The following ARHGAP32 variants were observed in gnomAD, a reference collection of about 807,000 sequenced individuals.
ARHGAP32 encodes the protein Rho GTPase activating protein 32, also known as rho GTPase-activating protein 32.
A neutral mutation model predicts 186.5 loss-of-function variants in ARHGAP32; 51 were observed. The observed-to-expected ratio is 0.27, with a 90% CI of 0.22 to 0.35. The LOEUF (loss-of-function observed/expected upper bound fraction) is 0.35, where lower values mean the gene tolerates loss of function less well. ARHGAP32 is among the 10% of genes least tolerant of loss of function. The pLI is 1.00. For missense variants in ARHGAP32, 2,186 were observed against 2,623.5 expected (o/e 0.83, Z 3.64); for synonymous variants, 950 against 964.3 (o/e 0.99, Z 0.27).
At chr11:129,220,122 T>C (rs949407984) in intron 1 of ARHGAP32, among the ~76,000 whole-genome samples, 1 of 152,208 alleles carries the variant, frequency 6.6e-6, no homozygotes, top group South Asian at 2.1e-4. Context: ...ACAATGAATA[T>C]GTTTTCCCTA....
intron 6 of ARHGAP32, among the ~76,000 whole-genome samples, chr11:129,087,692 A>G (rs1000526257): frequency 6.6e-6 from 1 of 152,220 alleles, no homozygotes; most frequent in Non-Finnish European, 1.5e-5. Flanking sequence ...CTAAACCTAT[A>G]GAATATACAC....
chr11:129,026,061 G>A (rs908883234), intron 11 of ARHGAP32, among the ~76,000 whole-genome samples: 15 of 151,894 alleles, frequency 9.9e-5, no homozygotes, highest in Non-Finnish European at 2.9e-5. Flanking sequence ...CCAAAAAGCT[G>A]TACCCTAATG....
intron 1 of ARHGAP32, among the ~76,000 whole-genome samples, chr11:129,247,001 A>AC (rs34546603): frequency 0.87 from 132,795 of 152,120 alleles, 58,235 homozygotes; most frequent in African/African-American, 0.95. Flanking sequence ...CCCACAGAGT[A>AC]CCTCTTTTTT....
chr11:129,276,359 G>A (rs1945531158), intron 1 of ARHGAP32, among the ~76,000 whole-genome samples: 1 of 152,212 alleles, frequency 6.6e-6, no homozygotes, highest in African/African-American at 2.4e-5. Context: ...CAAGGGCAGT[G>A]GCACAATGAT....
chr11:129,125,758 A>G (rs1268644154), intron 2 of ARHGAP32: 2 of 261,446 alleles, frequency 7.6e-6, no homozygotes, highest in African/African-American at 4.5e-5. Flanking sequence ...ACCTTGTTAC[A>G]TCATCACAGT....
intron 11 of ARHGAP32, among the ~76,000 whole-genome samples, chr11:129,001,714 A>T (rs966559096): frequency 2.0e-5 from 3 of 150,378 alleles, no homozygotes; most frequent in East Asian, 1.9e-4. Flanking sequence ...GATTTTTCCC[A>T]TTTTTTTTTA....
intron 2 of ARHGAP32, among the ~76,000 whole-genome samples, chr11:129,149,873 C>A (rs1943250549): frequency 6.6e-6 from 1 of 150,946 alleles, no homozygotes. Flanking sequence ...ATGTGAAAAC[C>A]AATGTAAAGA....
chr11:129,082,533 A>G (rs1565413094), intron 6 of ARHGAP32, among the ~76,000 whole-genome samples: 1 of 152,188 alleles, frequency 6.6e-6, no homozygotes, highest in East Asian at 1.9e-4. Context: ...TGGTGGGATA[A>G]TTGGCAAGTC....
chr11:129,206,492 C>G (rs192821007), intron 1 of ARHGAP32, among the ~76,000 whole-genome samples: 3 of 152,084 alleles, frequency 2.0e-5, no homozygotes, highest in African/African-American at 2.4e-5. Flanking sequence ...GGATTACAGA[C>G]GAGGGCTGCC....
At position 129,040,929 on chromosome 11, in the gene ARHGAP32, T is replaced by C. The variant is rs1192189935; in HGVS notation, c.1044A>G (p.Pro348=). ...CACTAGTGAAAAAAGTGTACTCACCTGGTTTTGGCACTGAGTTGGTCACTG... is the reference window on the plus strand; with the variant it reads ...CACTAGTGAAAAAAGTGTACTCACCCGGTTTTGGCACTGAGTTGGTCACTG... The part of the protein sequence containing the change: ...PQSVTNSVPK[P]VSKKHGKLIT... Residue 348 remains proline (P), a splice_region_variant and synonymous_variant, in exon 11 of 23, where the codon CCA becomes CCG. Transcript: ENST00000682385. 1.2e-6 allele frequency: 2 copies of C among 1,601,818 alleles called. No homozygotes were observed. Among genetic ancestry groups the C allele is most frequent in the Non-Finnish European group, 1.7e-6 (2 of 1,173,536 alleles).
Position 129,002,805 on chromosome 11 carries a change from ATTTT to A in ARHGAP32, c.1046-4341_1046-4338del, listed in dbSNP as rs36036048. On this transcript the variant is annotated intron_variant, in intron 11 of 22. Transcript: ENST00000682385. The stretch of plus-strand genomic sequence containing the variant: ...GGGGTTTTATCATGAAGGGATGTTG[ATTTT>A]TTTTTTTTTTTTTTTTTGAGACGGA... 6.5e-5 allele frequency among the ~76,000 whole-genome samples: 7 copies of A among 108,076 alleles called. No homozygotes were observed. In the South Asian group the frequency reaches 1.2e-3, roughly 19 times the overall value. The allele number at this position is 108,076 out of a possible 152,430, so 70.9% of individuals were successfully genotyped here. A position where few individuals can be genotyped will look rare whatever the true frequency, so the allele number is the denominator to read the frequency against.
intron 11 of ARHGAP32, among the ~76,000 whole-genome samples, chr11:129,012,750 G>A (rs889286086): frequency 3.3e-5 from 5 of 152,158 alleles, no homozygotes; most frequent in Non-Finnish European, 7.4e-5. Context: ...ACAAATGAAG[G>A]GAGAACATTT....
intron 2 of ARHGAP32, among the ~76,000 whole-genome samples, chr11:129,156,593 GA>G (rs1349032243): frequency 6.6e-6 from 1 of 152,194 alleles, no homozygotes; most frequent in Non-Finnish European, 1.5e-5. Flanking sequence ...GCTTGTAGAT[GA>G]AACTCCCATC....
Position 128,986,678 on chromosome 11 carries a change from A to G in ARHGAP32, c.1299-10T>C. ...AGAGTCAAATTCATGGCTGACGTAG[A>G]CAGAAGAGGACAAGCAAATCATTTG... On this transcript the variant is annotated splice_polypyrimidine_tract_variant and intron_variant, in intron 13 of 22. Coordinates refer to ENST00000682385, the MANE Select transcript of ARHGAP32 (RefSeq NM_001378024.1). 6.2e-7 allele frequency: 1 copy of G among 1,612,788 alleles called. No individual in the cohort carries two copies. Among genetic ancestry groups the G allele is most frequent in the East Asian group, 2.2e-5 (1 of 44,848 alleles).
At chr11:129,050,116 A>C (rs1471654839) in intron 10 of ARHGAP32, among the ~76,000 whole-genome samples, 3 of 152,230 alleles carry the variant, frequency 2.0e-5, no homozygotes, top group African/African-American at 7.2e-5. Flanking sequence ...AACTTGAGAA[A>C]CTGCTAAACT....
At chr11:129,055,138 C>A (rs1468594122) in intron 10 of ARHGAP32, among the ~76,000 whole-genome samples, 1 of 152,126 alleles carries the variant, frequency 6.6e-6, no homozygotes, top group African/African-American at 2.4e-5. Flanking sequence ...GAGTCAGTGG[C>A]AAAGGGAGAA....
intron 1 of ARHGAP32, among the ~76,000 whole-genome samples, chr11:129,273,810 G>A (rs1945499831): frequency 1.3e-5 from 2 of 151,976 alleles, no homozygotes; most frequent in Admixed American, 1.3e-4. Flanking sequence ...CTATTTTTAG[G>A]GCAAACTGAT....
intron 11 of ARHGAP32, among the ~76,000 whole-genome samples, chr11:129,039,992 C>T (rs1055808862): frequency 1.3e-5 from 2 of 152,086 alleles, no homozygotes; most frequent in Non-Finnish European, 2.9e-5. Context: ...AACAATGATT[C>T]CCTAGTCTCC....
At chr11:128,988,627 T>G (rs1246688833) in intron 12 of ARHGAP32, among the ~76,000 whole-genome samples, 1 of 152,240 alleles carries the variant, frequency 6.6e-6, no homozygotes, top group Non-Finnish European at 1.5e-5. Flanking sequence ...TCATAGTTAA[T>G]GCAAATTCTG....
Sources: allele counts gnomAD v4.1 joint callset (sites outside exome capture counted in the v4.1 genomes callset), GRCh38; gene constraint gnomAD v4.1.1; transcripts MANE v1.5; gene names NCBI Gene and HGNC (gene_info 2026-07-23, HGNC 2026-07-21).